The following SAMD5 variants were observed in gnomAD, a reference collection of about 807,000 sequenced individuals.
The protein encoded by SAMD5 is sterile alpha motif domain-containing protein 5.
Under a neutral mutation model 11.3 loss-of-function variants are expected in SAMD5, and 13 were observed. The observed-to-expected ratio is 1.15, with a 90% CI of 0.75 to 1.83. SAMD5 has a LOEUF of 1.83. SAMD5 is among the 40% of genes most tolerant of loss of function. The pLI is 0.00. For synonymous variants in SAMD5, 129 were observed against 111.3 expected, an observed-to-expected ratio of 1.16 and a Z score of -1.00; for missense variants, 255 against 239.1, an observed-to-expected ratio of 1.07 and a Z score of -0.44.
At chr6:147,737,280 A>G (rs776422231) in intron 1 of SAMD5, 1 of 1,184,304 alleles carries the variant, frequency 8.4e-7, no homozygotes, top group Non-Finnish European at 1.1e-6. Context: ...ACTGGGCAAC[A>G]CTTAATTAAA....
At chr6:147,635,413 G>A (rs1015242590) in intron 1 of SAMD5, among the ~76,000 whole-genome samples, 2 of 152,182 alleles carry the variant, frequency 1.3e-5, no homozygotes, top group Non-Finnish European at 2.9e-5. Flanking sequence ...TTTTACATAT[G>A]AGAAAAATGA....
At chr6:147,514,478 T>A (rs1419718007) in intron 1 of SAMD5, among the ~76,000 whole-genome samples, 1 of 151,298 alleles carries the variant, frequency 6.6e-6, no homozygotes, top group African/African-American at 2.5e-5. Flanking sequence ...CATGATGGAA[T>A]GTATAGGATT....
chr6:147,899,887 C>T, the SAMD5 span, among the ~76,000 whole-genome samples: 3 of 152,128 alleles, frequency 2.0e-5, no homozygotes, highest in Non-Finnish European at 4.4e-5. Flanking sequence ...TAGCTGGGCC[C>T]CTTCCCTGGT....
At chr6:147,944,295 A>C in the SAMD5 span, among the ~76,000 whole-genome samples, 2 of 152,082 alleles carry the variant, frequency 1.3e-5, no homozygotes, top group African/African-American at 2.4e-5. Context: ...AAGAGGTTTA[A>C]TGGCCTCCCA....
chr6:147,648,186 C>CTCCG (rs1790432674), intron 1 of SAMD5, among the ~76,000 whole-genome samples: 1 of 152,180 alleles, frequency 6.6e-6, no homozygotes, highest in South Asian at 2.1e-4. Flanking sequence ...ATTTAATTGA[C>CTCCG]TCCGTGTTCA....
intron 1 of SAMD5, among the ~76,000 whole-genome samples, chr6:147,685,134 C>A (rs1583138754): frequency 6.6e-6 from 1 of 152,302 alleles, no homozygotes; most frequent in East Asian, 1.9e-4. Flanking sequence ...ATTTATATGG[C>A]TTATTCCTCC....
chr6:147,906,092 C>A, the SAMD5 span, among the ~76,000 whole-genome samples: 1 of 152,138 alleles, frequency 6.6e-6, no homozygotes. Flanking sequence ...CACACAGCAT[C>A]CCAATGCCAA....
the SAMD5 span, among the ~76,000 whole-genome samples, chr6:147,846,513 G>A: frequency 1.3e-5 from 2 of 152,160 alleles, no homozygotes; most frequent in South Asian, 2.1e-4. Flanking sequence ...GCAACTTACC[G>A]TGAACCTAGT....
At chr6:147,925,576 A>G in the SAMD5 span, among the ~76,000 whole-genome samples, 70 of 152,016 alleles carry the variant, frequency 4.6e-4, no homozygotes, top group African/African-American at 1.5e-3. Context: ...TTCTCTTCTG[A>G]AATTTTAATA....
chr6:147,682,048 T>C (rs1225526465), intron 1 of SAMD5, among the ~76,000 whole-genome samples: 1 of 152,204 alleles, frequency 6.6e-6, no homozygotes, highest in East Asian at 1.9e-4. Flanking sequence ...TCTCATTCTG[T>C]GCATGTCATC....
the SAMD5 span, among the ~76,000 whole-genome samples, chr6:147,923,909 T>C: frequency 2.6e-5 from 4 of 152,284 alleles, no homozygotes; most frequent in South Asian, 8.3e-4. Context: ...AAGTCTTTCT[T>C]TGCTAGCAGG....
At chr6:147,562,326 C>G (rs1313461804) in intron 1 of SAMD5, among the ~76,000 whole-genome samples, 1 of 152,204 alleles carries the variant, frequency 6.6e-6, no homozygotes, top group Non-Finnish European at 1.5e-5. Context: ...ATGAGAATGT[C>G]TTCAAGAAAA....
At chr6:147,708,705 G>A (rs1791357817) in intron 1 of SAMD5, among the ~76,000 whole-genome samples, 1 of 152,182 alleles carries the variant, frequency 6.6e-6, no homozygotes, top group Admixed American at 6.5e-5. Flanking sequence ...GCAAACATAA[G>A]AGCATTTATG....
At chr6:147,908,697 A>G in the SAMD5 span, among the ~76,000 whole-genome samples, 3 of 152,210 alleles carry the variant, frequency 2.0e-5, no homozygotes, top group African/African-American at 7.2e-5. Flanking sequence ...CAACAGAGAG[A>G]GACACTGAAA....
chr6:147,706,444 T>A (rs1583147418), intron 1 of SAMD5, among the ~76,000 whole-genome samples: 1 of 152,320 alleles, frequency 6.6e-6, no homozygotes, highest in East Asian at 1.9e-4. Context: ...ACCAGGCTGC[T>A]CTCGAACTCC....
At chr6:147,944,281 A>G in the SAMD5 span, among the ~76,000 whole-genome samples, 1 of 152,128 alleles carries the variant, frequency 6.6e-6, no homozygotes, top group Non-Finnish European at 1.5e-5. Flanking sequence ...CAATTTGCAA[A>G]AGAAAGAGGT....
intron 1 of SAMD5, among the ~76,000 whole-genome samples, chr6:147,588,298 CCTTTA>C (rs1415754302): frequency 6.9e-6 from 1 of 145,242 alleles, no homozygotes; most frequent in African/African-American, 2.5e-5. Flanking sequence ...ATTTTTTTTT[CCTTTA>C]CTTTGTTGGT....
rs1008081022 is a variant in SAMD5 at position 147,564,827 on chromosome 6, G to A, written c.*371G>A. On this transcript the variant is annotated 3_prime_UTR_variant, in exon 2 of 2. Transcript: ENST00000367474. Reference sequence around the variant, plus strand: ...AGTTTAAGTACAATATAACAAAAAGGTAGATTTCTGACAGTAAGTAGTAAT... The same window carrying A: ...AGTTTAAGTACAATATAACAAAAAGATAGATTTCTGACAGTAAGTAGTAAT... 1 of 971,674 alleles carries A rather than the reference G, an allele frequency of 1.0e-6. No individual in the cohort carries two copies. Among genetic ancestry groups the A allele is most frequent in the Admixed American group, 6.0e-5 (1 of 16,574 alleles). The allele number at this position is 971,674 out of a possible 1,614,324, so 60.2% of individuals were successfully genotyped here. A position where few individuals can be genotyped will look rare whatever the true frequency, so the allele number is the denominator to read the frequency against.
chr6:147,913,727 G>C, the SAMD5 span, among the ~76,000 whole-genome samples: 1 of 152,096 alleles, frequency 6.6e-6, no homozygotes, highest in East Asian at 1.9e-4. Flanking sequence ...AATGAAATGG[G>C]GAACATAAGA....
Sources: gnomAD v4.1 joint callset for allele counts (sites outside exome capture counted in the v4.1 genomes callset) on GRCh38, gnomAD v4.1.1 for gene constraint, MANE v1.5 for transcripts, NCBI Gene and HGNC (gene_info 2026-07-23, HGNC 2026-07-21) for gene names.